COLEC11: variants seen among roughly 807,000 people sequenced by gnomAD.
COLEC11 encodes collectin subfamily member 11.
A neutral mutation model predicts 27.3 loss-of-function variants in COLEC11; 20 were observed. The observed-to-expected ratio is 0.73, with a 90% CI of 0.51 to 1.06. The LOEUF (loss-of-function observed/expected upper bound fraction) is 1.06. Among genes scored for constraint, COLEC11 ranks in the 50% least tolerant of loss-of-function variants. The pLI, the probability that COLEC11 is intolerant of heterozygous loss-of-function variation, is 0.00. For synonymous variants in COLEC11, 163 were observed against 154.7 expected (o/e 1.05, Z -0.40); for missense variants, 310 against 383.0 (o/e 0.81, Z 1.59).
chr2:3,631,018 G>A (rs1330387887), intron 3 of COLEC11, among the ~76,000 whole-genome samples: 1 of 152,104 alleles, frequency 6.6e-6, no homozygotes. Context: ...GAGGTGGGTG[G>A]TCAGGAGTTC....
intron 3 of COLEC11, among the ~76,000 whole-genome samples, chr2:3,634,226 C>G (rs1330700279): frequency 6.6e-6 from 1 of 152,200 alleles, no homozygotes; most frequent in Non-Finnish European, 1.5e-5. Context: ...CCAAGACACT[C>G]CAGGGTACGT....
In COLEC11 at chr2:3,606,317, C is replaced by T. The variant is rs1393953007; in HGVS notation, c.130+1847C>T. The T allele has an allele frequency of 8.3e-6, 11 of 1,320,798 alleles. No homozygotes were observed. In the South Asian group the frequency reaches 1.1e-4, roughly 14 times the overall value. The allele number at this position is 1,320,798 out of a possible 1,614,324, so 81.8% of individuals were successfully genotyped here. A position where few individuals can be genotyped will look rare whatever the true frequency, so the allele number is the denominator to read the frequency against. ...TTCTGGGCGCCGCCTTTCCCAGGTG[C>T]TGTTGGGAGGGTCCTTCCCAGCTGT... is the stretch of plus-strand genomic sequence containing the variant. On this transcript the variant is annotated intron_variant, in intron 2 of 6. Coordinates refer to ENST00000349077, the MANE Select transcript of COLEC11 (RefSeq NM_024027.5).
intron 2 of COLEC11, among the ~76,000 whole-genome samples, chr2:3,609,352 A>ATTTTTTTT (rs567474674): frequency 1.1e-5 from 1 of 87,492 alleles, no homozygotes; most frequent in African/African-American, 5.9e-5. Context: ...TTTTTCTTTG[A>ATTTTTTTT]TTTTTTTTTT....
At chr2:3,639,765 G>C (rs1177925662) in intron 4 of COLEC11, among the ~76,000 whole-genome samples, 1 of 111,998 alleles carries the variant, frequency 8.9e-6, no homozygotes, top group Non-Finnish European at 1.5e-5. Flanking sequence ...ATGGAGCCCA[G>C]GCTCCTGGCA....
rs60222284 is a variant in COLEC11 at position 3,625,625 on chromosome 2, C to CTTTTTTTTTTTT, written c.203-11900_203-11889dup. On this transcript the variant is annotated intron_variant, in intron 3 of 6. Coordinates refer to ENST00000349077, the MANE Select transcript of COLEC11 (RefSeq NM_024027.5). ...GGAAAGTTTCTTTTCTTCTTTTTTA[C>CTTTTTTTTTTTT]TTTTTTTTTTTTTTTTTTTGAGACA... 5.5e-4 allele frequency among the ~76,000 whole-genome samples: 50 copies of CTTTTTTTTTTTT among 91,452 alleles called. 2 individuals carry two copies. Among genetic ancestry groups the CTTTTTTTTTTTT allele is most frequent in the African/African-American group, 1.7e-3 (35 of 20,854 alleles). 60.0% of individuals were successfully genotyped at this position (91,452 alleles called of 152,430 possible).
chr2:3,614,828 C>T (rs1663527849), intron 3 of COLEC11, among the ~76,000 whole-genome samples: 1 of 152,098 alleles, frequency 6.6e-6, no homozygotes, highest in Non-Finnish European at 1.5e-5. Flanking sequence ...AATTTCAGAA[C>T]ACAAAGATAA....
intron 6 of COLEC11, 66 bp from the exon 7 acceptor site, chr2:3,643,661 T>C (rs1164137209): frequency 6.2e-7 from 1 of 1,611,086 alleles, no homozygotes; most frequent in Non-Finnish European, 8.5e-7. Flanking sequence ...CTGCTGCCTG[T>C]GGCTGTGCCT....
intron 3 of COLEC11, among the ~76,000 whole-genome samples, chr2:3,635,171 C>T (rs867654647): frequency 7.6e-4 from 104 of 137,212 alleles, no homozygotes; most frequent in South Asian, 1.1e-3. Context: ...CTGTGCCTCT[C>T]CAGAGCTGTG....
chr2:3,605,026 G>C (rs3769507), intron 2 of COLEC11: 328,083 of 470,386 alleles, frequency 0.7, 115,997 homozygotes, highest in East Asian at 0.85. Context: ...TTCTGCAGGT[G>C]AGGCATGGGT....
At chr2:3,612,841 T>C (rs1663324872) in intron 2 of COLEC11, among the ~76,000 whole-genome samples, 2 of 152,092 alleles carry the variant, frequency 1.3e-5, no homozygotes, top group Admixed American at 1.3e-4. Context: ...GCCTGTGCCC[T>C]GGGGGGCTCA....
At chr2:3,605,153 G>A (rs1420039014) in intron 2 of COLEC11, 1 of 463,384 alleles carries the variant, frequency 2.2e-6, no homozygotes, top group Non-Finnish European at 4.5e-6. Context: ...GGAGCCCGGT[G>A]TGAAATGAAA....
At chr2:3,621,252 T>G (rs1664166012) in intron 3 of COLEC11, among the ~76,000 whole-genome samples, 1 of 152,260 alleles carries the variant, frequency 6.6e-6, no homozygotes, top group South Asian at 2.1e-4. Flanking sequence ...CTTGATGAAT[T>G]GACCTTTTAT....
At chr2:3,619,482 A>G (rs969903499) in intron 3 of COLEC11, among the ~76,000 whole-genome samples, 4 of 152,218 alleles carry the variant, frequency 2.6e-5, no homozygotes, top group Admixed American at 6.5e-5. Flanking sequence ...ATCATGAAAC[A>G]ACACTGAGTT....
chr2:3,599,236 CG>C (rs1662059094), intron 1 of COLEC11, among the ~76,000 whole-genome samples: 1 of 152,176 alleles, frequency 6.6e-6, no homozygotes. Flanking sequence ...ACCCAGTGGA[CG>C]TTCTGTACCC....
intron 2 of COLEC11, chr2:3,604,955 AAGAC>A (rs1424318064): frequency 7.0e-6 from 3 of 430,770 alleles, no homozygotes; most frequent in Admixed American, 3.3e-5. Context: ...GGAAAAAAAA[AAGAC>A]AGGAACTTTT....
At chr2:3,621,116 T>G (rs947653027) in intron 3 of COLEC11, among the ~76,000 whole-genome samples, 3 of 152,220 alleles carry the variant, frequency 2.0e-5, no homozygotes, top group African/African-American at 7.2e-5. Flanking sequence ...TTGTTGAAAG[T>G]GAGGTATTGA....
chr2:3,610,951 T>C (rs1394031698), intron 2 of COLEC11, among the ~76,000 whole-genome samples: 1 of 152,212 alleles, frequency 6.6e-6, no homozygotes, highest in Admixed American at 6.5e-5. Flanking sequence ...GACAGCATTT[T>C]CTCTTTATTC....
chr2:3,626,242 A>G (rs1664542729), intron 3 of COLEC11: 3 of 788,970 alleles, frequency 3.8e-6, no homozygotes, highest in Non-Finnish European at 4.5e-6. Flanking sequence ...GGAGGGAGGA[A>G]TATTGTTAGG....
At position 3,643,517 on chromosome 2, in the gene COLEC11, C is replaced by G. The variant is rs769374525; in HGVS notation, c.402C>G (p.Ser134Arg). Residue 134 changes from serine to arginine, a missense_variant, in exon 6 of 7, where the codon AGC becomes AGG. Coordinates refer to ENST00000349077, the MANE Select transcript of COLEC11 (RefSeq NM_024027.5). ...ACAACCAGGTCTCTCAGCTGACCAGCGAGCTCAAGTTCATCAAGAATGGTA... is the reference window on the plus strand; with the variant it reads ...ACAACCAGGTCTCTCAGCTGACCAGGGAGCTCAAGTTCATCAAGAATGGTA... Reference protein sequence around the residue: ...EMDNQVSQLTSELKFIKNAVA... With the variant: ...EMDNQVSQLTRELKFIKNAVA... 6.2e-7 allele frequency: 1 copy of G among 1,613,804 alleles called. No homozygotes were observed. The highest frequency in any genetic ancestry group is 2.2e-5 in the East Asian group (1 of 44,860).
Sources: allele counts gnomAD v4.1 joint callset (sites outside exome capture counted in the v4.1 genomes callset), GRCh38; gene constraint gnomAD v4.1.1; transcripts MANE v1.5; gene names NCBI Gene and HGNC (gene_info 2026-07-23, HGNC 2026-07-21).